Variants in SRRM4 observed in about 807,000 individuals in gnomAD.
SRRM4 encodes serine/arginine repetitive matrix protein 4.
Under a neutral mutation model 68.9 loss-of-function variants are expected in SRRM4, and 33 were observed. The ratio of observed to expected loss-of-function variants is 0.48; its 90% CI spans 0.36 to 0.64. SRRM4 has a LOEUF of 0.64. Among genes scored for constraint, SRRM4 ranks in the 30% least tolerant of loss-of-function variants. The pLI is 0.00. For missense variants in SRRM4, 817 were observed against 827.1 expected (o/e 0.99, Z 0.15); for synonymous variants, 318 against 318.8 (o/e 1.00, Z 0.03).
At chr12:119,089,985 G>A (rs1055849270) in intron 1 of SRRM4, among the ~76,000 whole-genome samples, 50 of 152,038 alleles carry the variant, frequency 3.3e-4, no homozygotes, top group African/African-American at 1.1e-3. Flanking sequence ...AACTTCCTGT[G>A]GGTCACACAG....
rs373283304 is a variant in SRRM4, at chr12:119,117,025, C to T, written c.437+17C>T. ...GCGACGCAGGTATTGTCCTTTTTCTCTGCAAACAAGACCTCCCCAGGTGGG... is the reference window on the plus strand; with the variant it reads ...GCGACGCAGGTATTGTCCTTTTTCTTTGCAAACAAGACCTCCCCAGGTGGG... On this transcript the variant is annotated intron_variant, in intron 4 of 12. Transcript: ENST00000267260. 17 of 1,612,998 alleles carry T rather than the reference C, an allele frequency of 1.1e-5. No individual in the cohort carries two copies. Among genetic ancestry groups the T allele is most frequent in the Non-Finnish European group, 1.4e-5 (16 of 1,179,320 alleles).
intron 1 of SRRM4, among the ~76,000 whole-genome samples, chr12:119,040,371 C>T (rs1953658974): frequency 1.3e-5 from 2 of 152,098 alleles, no homozygotes; most frequent in Admixed American, 6.5e-5. Flanking sequence ...CCCCCAAGTC[C>T]CCAAAGTCCA....
chr12:119,017,861 C>T (rs868682355), intron 1 of SRRM4, among the ~76,000 whole-genome samples: 10 of 152,268 alleles, frequency 6.6e-5, no homozygotes, highest in South Asian at 4.2e-4. Flanking sequence ...GGTAGCTCCA[C>T]GCTGCCCATC....
chr12:118,990,655 C>A (rs1953310877), intron 1 of SRRM4, among the ~76,000 whole-genome samples: 2 of 152,154 alleles, frequency 1.3e-5, no homozygotes, highest in African/African-American at 4.8e-5. Flanking sequence ...TTGTTATAAT[C>A]CCATCTCATA....
intron 1 of SRRM4, among the ~76,000 whole-genome samples, chr12:119,024,469 G>T (rs966599244): frequency 1.3e-5 from 2 of 152,222 alleles, no homozygotes; most frequent in African/African-American, 4.8e-5. Context: ...AGCCCCCTCG[G>T]CTGGGCCCCT....
intron 1 of SRRM4, among the ~76,000 whole-genome samples, chr12:119,008,045 A>G (rs550643527): frequency 6.6e-6 from 1 of 152,334 alleles, no homozygotes; most frequent in South Asian, 2.1e-4. Flanking sequence ...TATGTGGCAC[A>G]TAGTGGGTGC....
intron 1 of SRRM4, among the ~76,000 whole-genome samples, chr12:119,005,550 TG>T (rs1480889150): frequency 2.6e-5 from 4 of 152,046 alleles, no homozygotes; most frequent in Admixed American, 6.5e-5. Context: ...GACAGGGAGG[TG>T]TATATTTACA....
chr12:119,091,479 T>C (rs1306813436), intron 1 of SRRM4, among the ~76,000 whole-genome samples: 1 of 152,090 alleles, frequency 6.6e-6, no homozygotes, highest in Non-Finnish European at 1.5e-5. Context: ...AGAGTCACAG[T>C]GAGTGGGTCT....
chr12:119,070,094 T>A (rs1953868552), intron 1 of SRRM4, among the ~76,000 whole-genome samples: 1 of 152,244 alleles, frequency 6.6e-6, no homozygotes, highest in Non-Finnish European at 1.5e-5. Flanking sequence ...TTCTTAAAAT[T>A]TGTGCATGAA....
At chr12:118,995,878 C>A (rs906722592) in intron 1 of SRRM4, among the ~76,000 whole-genome samples, 1 of 152,142 alleles carries the variant, frequency 6.6e-6, no homozygotes, top group East Asian at 1.9e-4. Flanking sequence ...ATCCATCCAC[C>A]CTTTATCCAC....
chr12:119,042,885 T>C (rs768376600), intron 1 of SRRM4, among the ~76,000 whole-genome samples: 7 of 151,644 alleles, frequency 4.6e-5, no homozygotes, highest in Non-Finnish European at 8.8e-5. Context: ...AAAGTATAAA[T>C]ACAGCAAAGA....
chr12:118,994,398 C>T (rs1953336571), intron 1 of SRRM4, among the ~76,000 whole-genome samples: 1 of 152,154 alleles, frequency 6.6e-6, no homozygotes, highest in Non-Finnish European at 1.5e-5. Context: ...AGGCTTCCAC[C>T]ACAGAGACTC....
Position 119,154,227 on chromosome 12 carries a change from C to A in SRRM4, c.1392-16C>A. 1 of 1,588,614 alleles carries A rather than the reference C, an allele frequency of 6.3e-7. No individual in the cohort carries two copies. Among genetic ancestry groups the A allele is most frequent in the Non-Finnish European group, 8.6e-7 (1 of 1,165,878 alleles). ...GCCCAGCCCCAGCTCCCCAGTAACC[C>A]CCCGCGCCCCTTCAGGGAGCGGGAT... On this transcript the variant is annotated splice_polypyrimidine_tract_variant and intron_variant, in intron 11 of 12. Coordinates refer to ENST00000267260, the MANE Select transcript of SRRM4 (RefSeq NM_194286.4). This position sits in a 1 kb window ranked among gnomAD's most constrained non-coding sequence, Gnocchi z 4.7.
At chr12:119,126,953 G>A (rs577908338) in intron 7 of SRRM4, among the ~76,000 whole-genome samples, 21 of 148,508 alleles carry the variant, frequency 1.4e-4, no homozygotes, top group Non-Finnish European at 2.8e-4. Context: ...GTAAACTATC[G>A]CAAGAACAAA....
At chr12:119,125,241 G>A in intron 6 of SRRM4, 140 bp from the exon 7 acceptor site, 1 of 715,458 alleles carries the variant, frequency 1.4e-6, no homozygotes, top group South Asian at 1.8e-5. Context: ...TAACGCATGG[G>A]GTTGAGGGAG....
At chr12:119,092,228 G>T (rs532769566) in intron 1 of SRRM4, among the ~76,000 whole-genome samples, 2 of 152,152 alleles carry the variant, frequency 1.3e-5, no homozygotes, top group East Asian at 3.9e-4. Flanking sequence ...TACTAGCCTG[G>T]TGTTCGTTCC....
intron 2 of SRRM4, 104 bp downstream of exon 2, chr12:119,102,486 A>G: frequency 7.1e-6 from 6 of 842,268 alleles, no homozygotes; most frequent in Non-Finnish European, 1.1e-5. Flanking sequence ...TCAAACCCTT[A>G]AATCAAGGGT....
chr12:119,095,054 T>C (rs1217584267), intron 1 of SRRM4, among the ~76,000 whole-genome samples: 2 of 152,084 alleles, frequency 1.3e-5, no homozygotes, highest in Non-Finnish European at 2.9e-5. Flanking sequence ...TCCTCTAAGC[T>C]CTATTGCTTT....
chr12:119,088,922 A>G (rs535910582), intron 1 of SRRM4, among the ~76,000 whole-genome samples: 1 of 152,360 alleles, frequency 6.6e-6, no homozygotes, highest in East Asian at 1.9e-4. Flanking sequence ...GGTGTTAAGC[A>G]CTTTGCGTGC....
Sources: allele counts gnomAD v4.1 joint callset (sites outside exome capture counted in the v4.1 genomes callset), GRCh38; gene constraint gnomAD v4.1.1; non-coding constraint Gnocchi (gnomAD v3.1); transcripts MANE v1.5; gene names NCBI Gene and HGNC (gene_info 2026-07-23, HGNC 2026-07-21).